Variants in KIAA1549L observed in about 807,000 individuals in gnomAD.
KIAA1549L encodes KIAA1549 like.
A neutral mutation model predicts 160.7 loss-of-function variants in KIAA1549L; 88 were observed. The ratio of observed to expected loss-of-function variants is 0.55; its 90% CI spans 0.46 to 0.65. The LOEUF (loss-of-function observed/expected upper bound fraction) is 0.65. Among genes scored for constraint, KIAA1549L ranks in the 30% least tolerant of loss-of-function variants. KIAA1549L has a pLI of 0.00. For synonymous variants in KIAA1549L, 950 were observed against 976.7 expected (o/e 0.97, Z 0.51); for missense variants, 2,258 against 2,437.5 (o/e 0.93, Z 1.55).
chr11:33,448,985 T>C (rs1357849679), intron 1 of KIAA1549L, among the ~76,000 whole-genome samples: 1 of 152,186 alleles, frequency 6.6e-6, no homozygotes, highest in Non-Finnish European at 1.5e-5. Context: ...AATTGTTCAG[T>C]ATCAAAGAAT....
At chr11:33,634,333 A>G (rs528530447) in intron 16 of KIAA1549L, among the ~76,000 whole-genome samples, 1 of 152,176 alleles carries the variant, frequency 6.6e-6, no homozygotes, top group Non-Finnish European at 1.5e-5. Context: ...TTGAACCACC[A>G]CGCCCGGCCT....
chr11:33,636,552 A>G (rs986562378), intron 16 of KIAA1549L, among the ~76,000 whole-genome samples: 2 of 151,922 alleles, frequency 1.3e-5, no homozygotes, highest in African/African-American at 4.8e-5. Flanking sequence ...GCTGGTGTTG[A>G]ACTCCTGACC....
At chr11:33,537,609 T>C (rs568160814) in intron 1 of KIAA1549L, among the ~76,000 whole-genome samples, 4 of 152,338 alleles carry the variant, frequency 2.6e-5, no homozygotes, top group African/African-American at 9.6e-5. Flanking sequence ...TATTATTAAG[T>C]TCTAATCTCT....
At chr11:33,563,500 C>T (rs1854945348) in intron 8 of KIAA1549L, among the ~76,000 whole-genome samples, 1 of 152,094 alleles carries the variant, frequency 6.6e-6, no homozygotes, top group South Asian at 2.1e-4. Flanking sequence ...CCCTCTCTCA[C>T]TTGCGGTCCC....
At chr11:33,516,063 C>T (rs1853337725) in intron 1 of KIAA1549L, among the ~76,000 whole-genome samples, 1 of 152,224 alleles carries the variant, frequency 6.6e-6, no homozygotes, top group South Asian at 2.1e-4. Context: ...CAGAACCCTT[C>T]CCTGCCAATC....
intron 16 of KIAA1549L, among the ~76,000 whole-genome samples, chr11:33,623,058 T>C (rs1462219867): frequency 3.9e-5 from 6 of 152,204 alleles, no homozygotes; most frequent in African/African-American, 1.2e-4. Flanking sequence ...ACAAAGCTTA[T>C]GGCAAGTCTG....
chr11:33,487,503 G>A (rs887310956), intron 1 of KIAA1549L, among the ~76,000 whole-genome samples: 1 of 151,550 alleles, frequency 6.6e-6, no homozygotes, highest in Non-Finnish European at 1.5e-5. Flanking sequence ...ATGACAAGGA[G>A]CTTTGGGGAA....
chr11:33,437,923 G>A (rs1304138539), intron 1 of KIAA1549L, among the ~76,000 whole-genome samples: 1 of 152,102 alleles, frequency 6.6e-6, no homozygotes, highest in Non-Finnish European at 1.5e-5. Flanking sequence ...CTGGTTCCTG[G>A]TTTGCATTCT....
At chr11:33,443,735 A>C (rs1851555755) in intron 1 of KIAA1549L, among the ~76,000 whole-genome samples, 1 of 152,066 alleles carries the variant, frequency 6.6e-6, no homozygotes, top group Non-Finnish European at 1.5e-5. Context: ...AATTGAAAAA[A>C]AAAACAAATA....
chr11:33,561,781 AT>A, intron 8 of KIAA1549L, 46 bp downstream of exon 8: 2 of 1,384,214 alleles, frequency 1.4e-6, no homozygotes, highest in Non-Finnish European at 1.0e-6. Context: ...TGTCAGATTG[AT>A]TTATTTTTTT....
At chr11:33,521,050 C>G (rs181297218) in intron 1 of KIAA1549L, among the ~76,000 whole-genome samples, 30 of 152,084 alleles carry the variant, frequency 2.0e-4, no homozygotes, top group Admixed American at 3.9e-4. Flanking sequence ...GCCCGTAGCT[C>G]TAGCTACTCA....
At chr11:33,435,755 A>G (rs1851338806) in intron 1 of KIAA1549L, among the ~76,000 whole-genome samples, 3 of 77,398 alleles carry the variant, frequency 3.9e-5, no homozygotes, top group African/African-American at 9.2e-5. Flanking sequence ...AACAGAACCA[A>G]TAAGATATAT....
At chr11:33,550,264 A>G (rs1854414189) in intron 4 of KIAA1549L, among the ~76,000 whole-genome samples, 1 of 152,060 alleles carries the variant, frequency 6.6e-6, no homozygotes, top group Admixed American at 6.5e-5. Flanking sequence ...GTATGTGTAT[A>G]TATGTTACTC....
rs560087189 is a variant in KIAA1549L at position 33,492,422 on chromosome 11, C to T, written c.239-49380C>T. ...AAGATTTCAGTGAGTTCAGGGTGAC[C>T]TTGAACCCTGGACTAGGAACCCCTG... is the stretch of plus-strand genomic sequence containing the variant. On this transcript the variant is annotated intron_variant, in intron 1 of 20. Coordinates refer to ENST00000658780, the MANE Select transcript of KIAA1549L (RefSeq NM_012194.3). Among the ~76,000 whole-genome samples, 8 of 152,210 alleles carry T rather than the reference C, an allele frequency of 5.3e-5. No individual in the cohort carries two copies. The South Asian group carries it at 1.5e-3, about 28-fold the overall frequency.
intron 3 of KIAA1549L, among the ~76,000 whole-genome samples, chr11:33,546,889 T>C (rs1854283816): frequency 6.6e-6 from 1 of 152,178 alleles, no homozygotes; most frequent in Non-Finnish European, 1.5e-5. Context: ...AGTAATAAAA[T>C]AGAACAAGTA....
intron 1 of KIAA1549L, among the ~76,000 whole-genome samples, chr11:33,412,737 G>A (rs1850808818): frequency 6.6e-6 from 1 of 152,212 alleles, no homozygotes; most frequent in Admixed American, 6.5e-5. Context: ...GCTGGTGTCT[G>A]TTTGACTTGT....
At chr11:33,494,505 G>T (rs1852769688) in intron 1 of KIAA1549L, among the ~76,000 whole-genome samples, 1 of 152,212 alleles carries the variant, frequency 6.6e-6, no homozygotes. Flanking sequence ...CATGTAGCCA[G>T]ATAGCTCCTT....
intron 16 of KIAA1549L, among the ~76,000 whole-genome samples, chr11:33,637,240 A>G (rs569007433): frequency 2.9e-4 from 44 of 152,266 alleles, no homozygotes; most frequent in African/African-American, 8.2e-4. Context: ...TCCAAAATAC[A>G]TCTTGAACTC....
chr11:33,449,431 A>G (rs527323529), intron 1 of KIAA1549L, among the ~76,000 whole-genome samples: 8 of 152,312 alleles, frequency 5.3e-5, no homozygotes, highest in East Asian at 1.9e-4. Flanking sequence ...AGCCAAGTCA[A>G]TGAGACTATT....
Sources: allele counts gnomAD v4.1 joint callset (sites outside exome capture counted in the v4.1 genomes callset), GRCh38; gene constraint gnomAD v4.1.1; transcripts MANE v1.5; gene names NCBI Gene and HGNC (gene_info 2026-07-23, HGNC 2026-07-21).